Variants in METTL2A observed in about 807,000 individuals in gnomAD.
The protein encoded by METTL2A is tRNA N(3)-cytidine methyltransferase METTL2A.
METTL2A carries 45 observed loss-of-function variants against 49.4 expected under a neutral mutation model. That is an observed-to-expected ratio of 0.91 (90% CI 0.72 to 1.17). The LOEUF (loss-of-function observed/expected upper bound fraction) is 1.17. METTL2A is among the 50% of genes most tolerant of loss of function. METTL2A has a pLI of 0.00. For synonymous variants in METTL2A, 118 were observed against 167.5 expected (o/e 0.70, Z 2.28); for missense variants, 361 against 462.2 (o/e 0.78, Z 2.01).
intron 5 of METTL2A, among the ~76,000 whole-genome samples, chr17:62,437,611 A>G (rs937673649): frequency 6.6e-6 from 1 of 152,132 alleles, no homozygotes; most frequent in African/African-American, 2.4e-5. Context: ...TGTTTGAATC[A>G]GCTTTGGCCA....
intron 5 of METTL2A, among the ~76,000 whole-genome samples, chr17:62,438,735 T>C (rs1483890330): frequency 1.3e-5 from 2 of 152,166 alleles, no homozygotes; most frequent in Non-Finnish European, 2.9e-5. Flanking sequence ...AAAGTAAATT[T>C]TCTACATCTA....
chr17:62,425,417 T>TTG (rs2070617271), intron 2 of METTL2A, among the ~76,000 whole-genome samples: 1 of 97,234 alleles, frequency 1.0e-5, no homozygotes. Flanking sequence ...AGATGGAGTC[T>TTG]CGCTCTGTCA....
intron 4 of METTL2A, among the ~76,000 whole-genome samples, chr17:62,433,413 A>G (rs1484773909): frequency 6.6e-6 from 1 of 151,704 alleles, no homozygotes; most frequent in African/African-American, 2.4e-5. Context: ...AGCGTGGGTG[A>G]CAAAAGCAAA....
rs899556178 is a variant in METTL2A, at chr17:62,450,262, T to A, written c.*1533T>A. 4.8e-5 allele frequency: 6 copies of A among 126,088 alleles called. No individual in the cohort carries two copies. Among genetic ancestry groups the A allele is most frequent in the Admixed American group, 2.6e-4 (3 of 11,622 alleles). 7.8% of individuals were successfully genotyped at this position (126,088 alleles called of 1,614,324 possible). On this transcript the variant is annotated 3_prime_UTR_variant, in exon 9 of 9. Transcript: ENST00000311506. ...TGTTAGATGCCTTTTTTTTTTTTTT[T>A]TTTTTTTTTTTTTTAAGGAGACAGG...
intron 3 of METTL2A, among the ~76,000 whole-genome samples, chr17:62,426,904 A>G (rs1180188980): frequency 6.6e-6 from 1 of 152,206 alleles, no homozygotes; most frequent in African/African-American, 2.4e-5. Context: ...AATTGTATTA[A>G]TGGCATCATG....
At chr17:62,437,835 G>A (rs2070711124) in intron 5 of METTL2A, among the ~76,000 whole-genome samples, 1 of 152,048 alleles carries the variant, frequency 6.6e-6, no homozygotes, top group Admixed American at 6.6e-5. Flanking sequence ...AGCTGGGTTT[G>A]GTGGCACGCA....
intron 8 of METTL2A, 73 bp from the exon 9 acceptor site, chr17:62,448,502 C>T (rs2144160583): frequency 6.4e-7 from 1 of 1,551,744 alleles, no homozygotes; most frequent in African/African-American, 1.4e-5. Flanking sequence ...CCCCTTTTAA[C>T]AAGGACTTAG....
chr17:62,432,786 A>G (rs1050198839), intron 4 of METTL2A, among the ~76,000 whole-genome samples: 1 of 149,478 alleles, frequency 6.7e-6, no homozygotes, highest in Non-Finnish European at 1.5e-5. Flanking sequence ...TGGGTGACAG[A>G]GTGAGACTCC....
chr17:62,431,426 C>T lies in METTL2A; in HGVS notation c.608+3589C>T, dbSNP rs151077278. ...GGAATGCAGTGGTGCCATCACAGCT[C>T]ACTGTAGCTTCAACCTTCCAGGGTT... On this transcript the variant is annotated intron_variant, in intron 4 of 8. Coordinates refer to ENST00000311506, the MANE Select transcript of METTL2A (RefSeq NM_181725.4). Among the ~76,000 whole-genome samples, 10 of 151,854 alleles carry T rather than the reference C, an allele frequency of 6.6e-5. No homozygotes were observed. The East Asian group carries it at 2.0e-3, about 30-fold the overall frequency.
intron 5 of METTL2A, among the ~76,000 whole-genome samples, chr17:62,436,692 T>G (rs1171593152): frequency 1.3e-5 from 2 of 152,186 alleles, no homozygotes; most frequent in Non-Finnish European, 2.9e-5. Flanking sequence ...GGGTGGTGAT[T>G]GCCAAGGGTT....
chr17:62,430,060 T>C (rs1167649963), intron 4 of METTL2A, among the ~76,000 whole-genome samples: 1 of 152,262 alleles, frequency 6.6e-6, no homozygotes, highest in Non-Finnish European at 1.5e-5. Flanking sequence ...TTTCATATAA[T>C]ATATACTTTG....
intron 4 of METTL2A, 50 bp from the exon 5 acceptor site, chr17:62,435,182 A>T: frequency 1.9e-6 from 3 of 1,613,730 alleles, no homozygotes; most frequent in Middle Eastern, 1.7e-4. Context: ...ATGAGAGTAG[A>T]CATAGCTCGA....
chr17:62,439,370 G>A (rs2070722723), intron 5 of METTL2A, among the ~76,000 whole-genome samples: 1 of 152,138 alleles, frequency 6.6e-6, no homozygotes, highest in East Asian at 1.9e-4. Context: ...CTCCCAGGGT[G>A]CTGGGATTCT....
rs942865078 is a variant in METTL2A, at chr17:62,448,832, C to T, written c.*103C>T. Reference sequence around the variant, plus strand: ...TGGTGCATGCCTGTAATCCCAGCCACTCAGGAGGCTGAGGCGGGGAGGATC... The same window carrying T: ...TGGTGCATGCCTGTAATCCCAGCCATTCAGGAGGCTGAGGCGGGGAGGATC... On this transcript the variant is annotated 3_prime_UTR_variant, in exon 9 of 9. Coordinates refer to ENST00000311506, the MANE Select transcript of METTL2A (RefSeq NM_181725.4). 3 of 1,521,370 alleles carry T rather than the reference C, an allele frequency of 2.0e-6. No homozygotes were observed. The highest frequency in any genetic ancestry group is 2.0e-5 in the Admixed American group (1 of 49,044). The allele number at this position is 1,521,370 out of a possible 1,614,324, so 94.2% of individuals were successfully genotyped here. A position where few individuals can be genotyped will look rare whatever the true frequency, so the allele number is the denominator to read the frequency against.
At chr17:62,436,461 A>C (rs1248622882) in intron 5 of METTL2A, among the ~76,000 whole-genome samples, 1 of 152,118 alleles carries the variant, frequency 6.6e-6, no homozygotes, top group Non-Finnish European at 1.5e-5. Context: ...CTGAAGCAGG[A>C]GAATCGCTTG....
chr17:62,446,467 C>T (rs773385491), intron 7 of METTL2A, among the ~76,000 whole-genome samples: 10 of 152,308 alleles, frequency 6.6e-5, no homozygotes, highest in South Asian at 4.1e-4. Context: ...TGTGCCACCA[C>T]GCCTGGCTAA....
chr17:62,428,275 G>A (rs1401140379), intron 4 of METTL2A, among the ~76,000 whole-genome samples: 1 of 152,202 alleles, frequency 6.6e-6, no homozygotes, highest in Non-Finnish European at 1.5e-5. Flanking sequence ...GTAGAGTTGA[G>A]AAAGCTAACA....
At chr17:62,432,403 C>T (rs1214474447) in intron 4 of METTL2A, among the ~76,000 whole-genome samples, 10 of 152,102 alleles carry the variant, frequency 6.6e-5, no homozygotes, top group South Asian at 4.2e-4. Flanking sequence ...GCGCAGTGGC[C>T]CATGCCTATA....
rs750911814 is a variant in METTL2A at position 62,449,540 on chromosome 17, GTC to G, written c.*815_*816del. 1 of 356,916 alleles carries G rather than the reference GTC, an allele frequency of 2.8e-6. No individual in the cohort carries two copies. The highest frequency in any genetic ancestry group is 5.3e-6 in the Non-Finnish European group (1 of 187,624). 22.1% of individuals were successfully genotyped at this position (356,916 alleles called of 1,614,324 possible). A position where few individuals can be genotyped will look rare whatever the true frequency, so the allele number is the denominator to read the frequency against. On this transcript the variant is annotated 3_prime_UTR_variant, in exon 9 of 9. Coordinates refer to ENST00000311506, the MANE Select transcript of METTL2A (RefSeq NM_181725.4). ...AGCGTGGCCAACATGGTGAAACCCC[GTC>G]TCTACTAAAGATAAAAAAATTAGCT...
Sources: allele counts gnomAD v4.1 joint callset (sites outside exome capture counted in the v4.1 genomes callset), GRCh38; gene constraint gnomAD v4.1.1; transcripts MANE v1.5; gene names NCBI Gene and HGNC (gene_info 2026-07-23, HGNC 2026-07-21).